The following SCARA5 variants were observed in gnomAD, a reference collection of about 807,000 sequenced individuals.
The protein encoded by SCARA5 is scavenger receptor class A, member 5 (putative).
SCARA5 carries 45 observed loss-of-function variants against 46.3 expected under a neutral mutation model. The observed-to-expected ratio is 0.97, with a 90% CI of 0.76 to 1.24. The LOEUF (loss-of-function observed/expected upper bound fraction) is 1.24, where lower values mean the gene tolerates loss of function less well. Among genes scored for constraint, SCARA5 ranks in the 50% most tolerant of loss-of-function variants. The pLI is 0.00. For missense variants in SCARA5, 680 were observed against 689.0 expected, an observed-to-expected ratio of 0.99 and a Z score of 0.15; for synonymous variants, 333 against 306.5, an observed-to-expected ratio of 1.09 and a Z score of -0.90.
At chr8:27,909,538 G>A (rs775095418) in intron 5 of SCARA5, 125 bp downstream of exon 5, 3 of 638,780 alleles carry the variant, frequency 4.7e-6, no homozygotes, top group East Asian at 3.0e-5. Context: ...TTGGAACAGA[G>A]CGTTTGAGGC....
At chr8:27,929,959 T>C (rs1207366150) in intron 3 of SCARA5, among the ~76,000 whole-genome samples, 1 of 152,158 alleles carries the variant, frequency 6.6e-6, no homozygotes, top group Non-Finnish European at 1.5e-5. Context: ...CAAAACAGCA[T>C]GGAGAATCTC....
At chr8:27,909,454 TCAGA>T (rs1161300319) in intron 5 of SCARA5, among the ~76,000 whole-genome samples, 1 of 152,150 alleles carries the variant, frequency 6.6e-6, no homozygotes, top group Non-Finnish European at 1.5e-5. Flanking sequence ...ACCTTTTCCT[TCAGA>T]CTGTGGCACT....
At chr8:27,983,517 G>A (rs1373250308) in intron 2 of SCARA5, among the ~76,000 whole-genome samples, 2 of 152,212 alleles carry the variant, frequency 1.3e-5, no homozygotes, top group East Asian at 3.8e-4. Flanking sequence ...GAAGGAGCCT[G>A]CATCTCAGGT....
chr8:27,973,669 T>C (rs1325397626), intron 2 of SCARA5, among the ~76,000 whole-genome samples: 3 of 152,174 alleles, frequency 2.0e-5, no homozygotes, highest in Non-Finnish European at 4.4e-5. Context: ...AGCCTGCCCC[T>C]GGATGCTCAC....
intron 8 of SCARA5, 76 bp from the exon 9 acceptor site, chr8:27,872,146 C>A: frequency 1.3e-6 from 2 of 1,516,652 alleles, no homozygotes; most frequent in South Asian, 1.1e-5. Context: ...ATAACTGTGC[C>A]TGCCCTTGAC....
chr8:27,976,911 A>C (rs1481807467), intron 2 of SCARA5, among the ~76,000 whole-genome samples: 2 of 152,144 alleles, frequency 1.3e-5, no homozygotes, highest in Non-Finnish European at 2.9e-5. Context: ...CCCTGAGGCC[A>C]CCCAGCAGGA....
chr8:27,905,992 T>G (rs367755639), intron 6 of SCARA5, among the ~76,000 whole-genome samples: 1 of 152,232 alleles, frequency 6.6e-6, no homozygotes, highest in Non-Finnish European at 1.5e-5. Flanking sequence ...ATTACAGGCA[T>G]GAGCCACCTT....
rs530337351 is a variant in SCARA5, at chr8:27,940,320, G to A, written c.242-18075C>T. On this transcript the variant is annotated intron_variant, in intron 3 of 8. Transcript: ENST00000354914. ...TGGGTTTCCTCTCTCAGAACATAAG[G>A]TTTGGAGCCCAAGTGTCAAATTTCT... 3.3e-5 allele frequency among the ~76,000 whole-genome samples: 5 copies of A among 152,276 alleles called. No homozygotes were observed. The South Asian group carries it at 1.0e-3, about 32-fold the overall frequency.
At chr8:27,936,616 G>A (rs1267227713) in intron 3 of SCARA5, among the ~76,000 whole-genome samples, 1 of 20,968 alleles carries the variant, frequency 4.8e-5, no homozygotes, top group Non-Finnish European at 1.3e-4. Context: ...AAAAAAGGTG[G>A]GGATGCTTCA....
At chr8:27,921,490 TG>T in intron 4 of SCARA5, 80 bp downstream of exon 4, 1 of 1,265,228 alleles carries the variant, frequency 7.9e-7, no homozygotes, top group East Asian at 2.6e-5. Flanking sequence ...GGGGTACTCC[TG>T]GGTCCTTGGG....
At chr8:27,927,977 T>C (rs1807708732) in intron 3 of SCARA5, among the ~76,000 whole-genome samples, 1 of 152,202 alleles carries the variant, frequency 6.6e-6, no homozygotes, top group Non-Finnish European at 1.5e-5. Flanking sequence ...CATCAGCTCA[T>C]AGGAATAAGA....
chr8:27,959,148 G>A (rs567146724), intron 3 of SCARA5, among the ~76,000 whole-genome samples: 8 of 152,266 alleles, frequency 5.3e-5, no homozygotes, highest in Non-Finnish European at 8.8e-5. Flanking sequence ...CAGGAGAATC[G>A]CTTGAACCCG....
intron 3 of SCARA5, among the ~76,000 whole-genome samples, chr8:27,965,764 C>T (rs560549451): frequency 2.6e-5 from 4 of 152,344 alleles, no homozygotes; most frequent in South Asian, 2.1e-4. Flanking sequence ...AAGACCACTA[C>T]AGCCATCTGC....
At chr8:27,977,959 T>C (rs1808551865) in intron 2 of SCARA5, among the ~76,000 whole-genome samples, 1 of 151,978 alleles carries the variant, frequency 6.6e-6, no homozygotes, top group African/African-American at 2.4e-5. Context: ...AAAATGATAA[T>C]ATATTGGATA....
intron 1 of SCARA5, among the ~76,000 whole-genome samples, chr8:27,988,245 G>A (rs1350638739): frequency 6.6e-6 from 1 of 152,188 alleles, no homozygotes; most frequent in African/African-American, 2.4e-5. Flanking sequence ...GGGGCCCGAG[G>A]AGCAGGGAGC....
intron 4 of SCARA5, among the ~76,000 whole-genome samples, chr8:27,913,068 G>A (rs910977721): frequency 1.3e-5 from 2 of 152,202 alleles, no homozygotes; most frequent in African/African-American, 4.8e-5. Context: ...ACCATTATAG[G>A]ATGACAACTT....
chr8:27,946,860 G>A (rs897427221), intron 3 of SCARA5, among the ~76,000 whole-genome samples: 1 of 152,090 alleles, frequency 6.6e-6, no homozygotes, highest in Non-Finnish European at 1.5e-5. Flanking sequence ...ACCCCTCCCT[G>A]ATTTCTGTTT....
chr8:27,981,886 C>T lies in SCARA5; in HGVS notation c.112+5618G>A, dbSNP rs566962636. 2.6e-5 allele frequency among the ~76,000 whole-genome samples: 4 copies of T among 152,330 alleles called. No homozygotes were observed. In the South Asian group the frequency reaches 6.2e-4, roughly 24 times the overall value. On this transcript the variant is annotated intron_variant, in intron 2 of 8. Coordinates refer to ENST00000354914, the MANE Select transcript of SCARA5 (RefSeq NM_173833.6). ...GCCTGATGCGGCAACCTGTAAACGG[C>T]GGTGACTCTTCCAGAGGCCCCAGCC...
chr8:27,921,654 G>A lies in SCARA5; in HGVS notation c.833C>T (p.Ala278Val). ...GMELQLKQEL[A>V]MLNAVTEDLR... ...GTCCTCGGTGACCGCGTTGAGCATG[G>A]CCAGCTCCTGCTTCAGCTGCAGCTC... is the stretch of plus-strand genomic sequence containing the variant. Residue 278 changes from alanine (A) to valine (V), a missense_variant, in exon 4 of 9, where the codon GCC becomes GTC. Ala to Val is a moderately conservative substitution (Grantham distance 64). This residue lies in a region of SCARA5 where 438 missense variants were observed against 384.5 expected (regional missense o/e 1.14). Coordinates refer to ENST00000354914, the MANE Select transcript of SCARA5 (RefSeq NM_173833.6). The A allele has an allele frequency of 1.2e-6, 2 of 1,608,856 alleles. No individual in the cohort carries two copies. Among genetic ancestry groups the A allele is most frequent in the Non-Finnish European group, 1.7e-6 (2 of 1,177,478 alleles).
Sources: gnomAD v4.1 joint callset for allele counts (sites outside exome capture counted in the v4.1 genomes callset) on GRCh38, gnomAD v4.1.1 for gene constraint, gnomAD v4.1.1 regional missense constraint, MANE v1.5 for transcripts, NCBI Gene and HGNC (gene_info 2026-07-23, HGNC 2026-07-21) for gene names.